SORCS1: variants seen among roughly 807,000 people sequenced by gnomAD.
The protein encoded by SORCS1 is sortilin related VPS10 domain containing receptor 1, also known as VPS10 domain-containing receptor SorCS1.
Under a neutral mutation model 146.1 loss-of-function variants are expected in SORCS1, and 60 were observed. That is an observed-to-expected ratio of 0.41 (90% confidence interval 0.33 to 0.51). The LOEUF is 0.51. Among genes scored for constraint, SORCS1 ranks in the 20% least tolerant of loss-of-function variants. The pLI is 0.21. For missense variants in SORCS1, 1,352 were observed against 1,487.6 expected (o/e 0.91, Z 1.50); for synonymous variants, 637 against 584.0 (o/e 1.09, Z -1.31).
At chr10:106,806,069 AAAAAG>A (rs1256352085) in intron 3 of SORCS1, among the ~76,000 whole-genome samples, 2 of 146,744 alleles carry the variant, frequency 1.4e-5, no homozygotes, top group Non-Finnish European at 3.0e-5. Context: ...CAAAAAAAAA[AAAAAG>A]AAATCATGGA....
At chr10:106,664,745 T>A (rs895190008) in intron 17 of SORCS1, among the ~76,000 whole-genome samples, 1 of 152,094 alleles carries the variant, frequency 6.6e-6, no homozygotes, top group African/African-American at 2.4e-5. Flanking sequence ...AACAATTTGA[T>A]CCCTCTGTGT....
chr10:106,891,040 G>C (rs1164396161), intron 2 of SORCS1, among the ~76,000 whole-genome samples: 1 of 152,130 alleles, frequency 6.6e-6, no homozygotes, highest in Non-Finnish European at 1.5e-5. Context: ...CTCACTCTTA[G>C]TGGAACATAT....
intron 2 of SORCS1, 31 bp from the exon 3 acceptor site, chr10:106,829,704 A>G: frequency 6.5e-7 from 1 of 1,540,734 alleles, no homozygotes; most frequent in South Asian, 1.1e-5. Context: ...TAATGAGGAC[A>G]GAAGTATATG....
intron 1 of SORCS1, among the ~76,000 whole-genome samples, chr10:106,980,286 C>A (rs1956196964): frequency 6.6e-6 from 1 of 152,156 alleles, no homozygotes; most frequent in African/African-American, 2.4e-5. Context: ...CTGTGATCTA[C>A]TTTTTTTGCC....
At chr10:107,115,609 A>G (rs1456950014) in intron 1 of SORCS1, among the ~76,000 whole-genome samples, 1 of 152,100 alleles carries the variant, frequency 6.6e-6, no homozygotes, top group Non-Finnish European at 1.5e-5. Context: ...AAAATGGATT[A>G]AAAACTTCAA....
At chr10:107,051,991 G>C (rs1009124477) in intron 1 of SORCS1, among the ~76,000 whole-genome samples, 3 of 152,100 alleles carry the variant, frequency 2.0e-5, no homozygotes, top group Non-Finnish European at 2.9e-5. Flanking sequence ...GAACTGTTTT[G>C]CAAAGTCACC....
At chr10:106,837,758 C>T (rs1948844539) in intron 2 of SORCS1, among the ~76,000 whole-genome samples, 1 of 151,904 alleles carries the variant, frequency 6.6e-6, no homozygotes, top group East Asian at 1.9e-4. Context: ...CCCAACTCCA[C>T]TCACATTCCA....
intron 1 of SORCS1, among the ~76,000 whole-genome samples, chr10:106,994,489 C>G (rs1422655797): frequency 6.6e-6 from 1 of 152,072 alleles, no homozygotes; most frequent in Non-Finnish European, 1.5e-5. Context: ...AGCAATTGAC[C>G]CATATTTAAG....
intron 3 of SORCS1, among the ~76,000 whole-genome samples, chr10:106,799,623 T>A (rs566186666): frequency 6.6e-6 from 1 of 152,128 alleles, no homozygotes; most frequent in South Asian, 2.1e-4. Flanking sequence ...AACAGACACA[T>A]GAAAAAATGC....
At chr10:106,765,786 T>C (rs1859522713) in intron 4 of SORCS1, among the ~76,000 whole-genome samples, 1 of 151,956 alleles carries the variant, frequency 6.6e-6, no homozygotes. Context: ...AGATAAGAAA[T>C]TCAACTCCTT....
At chr10:106,757,931 A>G (rs1858777476) in intron 5 of SORCS1, among the ~76,000 whole-genome samples, 1 of 152,228 alleles carries the variant, frequency 6.6e-6, no homozygotes, top group South Asian at 2.1e-4. Context: ...GTTAATGATG[A>G]TAATGAGAAG....
chr10:106,606,292 C>T (rs1027135099), intron 23 of SORCS1, among the ~76,000 whole-genome samples: 405 of 53,680 alleles, frequency 7.5e-3, no homozygotes, highest in African/African-American at 0.012. Flanking sequence ...CACACACACA[C>T]ACACACACAC....
chr10:106,628,265 G>T (rs754726531), intron 19 of SORCS1, among the ~76,000 whole-genome samples: 3 of 152,100 alleles, frequency 2.0e-5, no homozygotes, highest in Non-Finnish European at 4.4e-5. Flanking sequence ...CCTCTCACTG[G>T]ACCACAGCAG....
intron 17 of SORCS1, among the ~76,000 whole-genome samples, chr10:106,658,379 G>A (rs985886876): frequency 3.3e-5 from 5 of 151,888 alleles, no homozygotes; most frequent in Non-Finnish European, 7.4e-5. Context: ...TTTTGTCACG[G>A]TAGTTATCAC....
chr10:106,787,194 A>G (rs2136473155), intron 3 of SORCS1, among the ~76,000 whole-genome samples: 1 of 152,342 alleles, frequency 6.6e-6, no homozygotes, highest in South Asian at 2.1e-4. Context: ...TCTTAAGAGC[A>G]AAGTAGTCCT....
chr10:106,783,119 C>CTT (rs141279383), intron 3 of SORCS1, among the ~76,000 whole-genome samples: 2 of 152,132 alleles, frequency 1.3e-5, no homozygotes, highest in South Asian at 2.1e-4. Flanking sequence ...TCATTAAATC[C>CTT]TTTTTTTGAG....
intron 1 of SORCS1, among the ~76,000 whole-genome samples, chr10:107,088,141 G>T (rs910016279): frequency 5.0e-5 from 6 of 119,492 alleles, no homozygotes; most frequent in Non-Finnish European, 1.2e-4. Context: ...GATGGTCTCG[G>T]CCTCCCAAAG....
chr10:106,633,211 T>TG (rs1174770870), intron 18 of SORCS1, among the ~76,000 whole-genome samples: 3 of 152,182 alleles, frequency 2.0e-5, no homozygotes, highest in Non-Finnish European at 2.9e-5. Flanking sequence ...CACATATTTA[T>TG]GGGGGTATAT....
At chr10:107,073,118 A>T (rs1962581751) in intron 1 of SORCS1, among the ~76,000 whole-genome samples, 1 of 152,198 alleles carries the variant, frequency 6.6e-6, no homozygotes, top group Non-Finnish European at 1.5e-5. Flanking sequence ...CATACAGCAC[A>T]GATATTCTTG....
Sources: gnomAD v4.1 joint callset for allele counts (sites outside exome capture counted in the v4.1 genomes callset) on GRCh38, gnomAD v4.1.1 for gene constraint, MANE v1.5 for transcripts, NCBI Gene and HGNC (gene_info 2026-07-23, HGNC 2026-07-21) for gene names.